The following ZNF28 variants were observed in gnomAD, a reference collection of about 807,000 sequenced individuals.
The protein encoded by ZNF28 is zinc finger protein KOX24.
In ZNF28, 5 loss-of-function variants were observed where a neutral mutation model predicts 7.2. The ratio of observed to expected loss-of-function variants is 0.70; its 90% CI spans 0.36 to 1.46. The LOEUF is 1.46. Among genes scored for constraint, ZNF28 ranks in the 40% most tolerant of loss-of-function variants. The pLI is 0.03. For synonymous variants in ZNF28, 288 were observed against 292.4 expected (o/e 0.99, Z 0.15); for missense variants, 879 against 866.6 (o/e 1.01, Z -0.18).
Position 52,798,603 on chromosome 19 carries a change from T to C in ZNF28, c.*1085A>G. 1 of 462,614 alleles carries C rather than the reference T, an allele frequency of 2.2e-6. No individual in the cohort carries two copies. 28.7% of individuals were successfully genotyped at this position (462,614 alleles called of 1,614,324 possible). ...CGCTTTGCCACAATCATCACACTTG[T>C]GAGTTTCTCTCCTGTATGAATCCTC... On this transcript the variant is annotated 3_prime_UTR_variant, in exon 4 of 4. Coordinates refer to ENST00000457749, the MANE Select transcript of ZNF28 (RefSeq NM_006969.5).
chr19:52,810,781 A>AAAC (rs1415700350), intron 2 of ZNF28: 22,926 of 118,064 alleles, frequency 0.19, 1,728 homozygotes, highest in African/African-American at 0.42. Flanking sequence ...AAAAAAACCC[A>AAAC]AAAAAAACAG....
chr19:52,801,207 T>G lies in ZNF28; in HGVS notation c.638A>C (p.Lys213Thr). ...TQKRNVHMREKSFQCIESGKS... is the reference protein window; with the variant it reads ...TQKRNVHMRETSFQCIESGKS... ...GCCACTCTCAATACATTGGAAAGAT[T>G]TTTCTCTCATGTGTACATTCCGTTT... The change falls in exon 4 of 4, where the codon AAA (lysine) becomes ACA (threonine). Residue 213 changes from lysine (K) to threonine (T), a missense_variant. Lys to Thr is a moderately conservative substitution (Grantham distance 78, BLOSUM62 -1). Transcript: ENST00000457749. 1.2e-6 allele frequency: 2 copies of G among 1,614,122 alleles called. No homozygotes were observed. Among genetic ancestry groups the G allele is most frequent in the Non-Finnish European group, 1.7e-6 (2 of 1,180,046 alleles).
intron 2 of ZNF28, chr19:52,809,843 CGGTGGT>C (rs1016424031): frequency 2.8e-5 from 16 of 572,088 alleles, no homozygotes; most frequent in Non-Finnish European, 4.6e-5. Flanking sequence ...GCGGCGGTGG[CGGTGGT>C]GGCAGTAGCA....
In ZNF28 at chr19:52,800,257, T is replaced by G; in HGVS notation, c.1588A>C (p.Lys530Gln). The G allele has an allele frequency of 6.2e-7, 1 of 1,613,652 alleles. No homozygotes were observed. Among genetic ancestry groups the G allele is most frequent in the Non-Finnish European group, 8.5e-7 (1 of 1,179,858 alleles). ...EKPYMCNECG[K>Q]VFSTKANLAC... ...AGGTTTGCTTTTGTACTAAAAACCT[T>G]GCCACATTCATTACACATGTATGGT... Residue 530 changes from lysine (K) to glutamine (Q), a missense_variant, in exon 4 of 4, where the codon AAG becomes CAG. Physicochemically the swap from Lys to Gln is moderately conservative, Grantham distance 53. This residue lies in a region of ZNF28 where 864 missense variants were observed against 830.2 expected (regional missense o/e 1.04). Coordinates refer to ENST00000457749, the MANE Select transcript of ZNF28 (RefSeq NM_006969.5).
chr19:52,804,442 C>T (rs59074115), intron 3 of ZNF28, among the ~76,000 whole-genome samples: 2,171 of 152,218 alleles, frequency 0.014, 56 homozygotes, highest in African/African-American at 0.05. Context: ...GTGATCTTGG[C>T]GCACTGCAAC....
chr19:52,812,159 G>A (rs1437116054), intron 2 of ZNF28, among the ~76,000 whole-genome samples: 4 of 124,400 alleles, frequency 3.2e-5, no homozygotes, highest in Non-Finnish European at 6.3e-5. Flanking sequence ...TCAGCCCCCC[G>A]CCCGGCCAGC....
chr19:52,816,684 T>C (rs2063128031), intron 2 of ZNF28, among the ~76,000 whole-genome samples: 1 of 119,292 alleles, frequency 8.4e-6, no homozygotes, highest in African/African-American at 4.0e-5. Flanking sequence ...AAAAAAAAAT[T>C]AGTTGGGGAT....
rs62119626 is a variant in ZNF28, at chr19:52,809,840, T to C, written c.16-1707A>G. 608 of 422,052 alleles carry C rather than the reference T, an allele frequency of 1.4e-3. 3 individuals carry two copies. Among genetic ancestry groups the C allele is most frequent in the Non-Finnish European group, 2.1e-3 (466 of 225,320 alleles). The allele number at this position is 422,052 out of a possible 1,614,324, so 26.1% of individuals were successfully genotyped here. A position where few individuals can be genotyped will look rare whatever the true frequency, so the allele number is the denominator to read the frequency against. ...GCGGCGAAGGCGGCGGCGGCGGCGGTGGCGGTGGTGGCAGTAGCACTGGGC... is the reference window on the plus strand; with the variant it reads ...GCGGCGAAGGCGGCGGCGGCGGCGGCGGCGGTGGTGGCAGTAGCACTGGGC... On this transcript the variant is annotated intron_variant, in intron 2 of 3. Coordinates refer to ENST00000457749, the MANE Select transcript of ZNF28 (RefSeq NM_006969.5).
intron 3 of ZNF28, among the ~76,000 whole-genome samples, chr19:52,802,584 G>A (rs2062885644): frequency 6.6e-6 from 1 of 151,472 alleles, no homozygotes; most frequent in Non-Finnish European, 1.5e-5. Context: ...GGCTGAGTCA[G>A]GATAATCGCT....
Position 52,798,275 on chromosome 19 carries a change from C to T in ZNF28, c.*1413G>A. 5.2e-6 allele frequency: 1 copy of T among 191,030 alleles called. No homozygotes were observed. 11.8% of individuals were successfully genotyped at this position (191,030 alleles called of 1,614,324 possible). A position where few individuals can be genotyped will look rare whatever the true frequency, so the allele number is the denominator to read the frequency against. On this transcript the variant is annotated 3_prime_UTR_variant, in exon 4 of 4. Transcript: ENST00000457749. ...TTGGCCTCTCAAAGTGCTGGCATTG[C>T]AGGCGTGAGCCACAGTGCCCAGCCC...
intron 2 of ZNF28, chr19:52,810,110 G>C: frequency 1.2e-6 from 1 of 809,188 alleles, no homozygotes; most frequent in Non-Finnish European, 2.2e-6. Flanking sequence ...GCCAAGAGGA[G>C]GGGGAGGAGC....
In ZNF28 at chr19:52,801,417, C is replaced by A. The variant is rs371346350; in HGVS notation, c.428G>T (p.Ser143Ile). 3.7e-6 allele frequency: 6 copies of A among 1,614,084 alleles called. No homozygotes were observed. Among genetic ancestry groups the A allele is most frequent in the Non-Finnish European group, 5.1e-6 (6 of 1,180,038 alleles). ...NKHIKDQLGL[S>I]FHSHLPELHI... The stretch of plus-strand genomic sequence containing the variant: ...CAGTTCAGGCAGATGCGAATGAAAG[C>A]TTAATCCAAGCTGATCTTTAATATG... The change falls in exon 4 of 4, where the codon AGC becomes ATC. Residue 143 changes from serine to isoleucine, a missense_variant. Ser to Ile is a moderately radical substitution (Grantham distance 142, BLOSUM62 -2). Coordinates refer to ENST00000457749, the MANE Select transcript of ZNF28 (RefSeq NM_006969.5).
At chr19:52,809,826 G>GCGGCGGCT in intron 2 of ZNF28, 1 of 318,840 alleles carries the variant, frequency 3.1e-6, no homozygotes, top group Non-Finnish European at 6.3e-6. Context: ...CGGCGAAGGC[G>GCGGCGGCT]GCGGCGGCGG....
chr19:52,810,453 T>G, intron 2 of ZNF28: 2 of 1,596,560 alleles, frequency 1.3e-6, no homozygotes, highest in Non-Finnish European at 1.7e-6. Flanking sequence ...TATAGAGTTC[T>G]CAAAGAGTCA....
chr19:52,814,393 C>A (rs1170265194), intron 2 of ZNF28: 2 of 146,054 alleles, frequency 1.4e-5, no homozygotes, highest in East Asian at 4.0e-4. Context: ...GAGTTCAAGA[C>A]CAGCATGGCC....
chr19:52,810,691 C>G (rs878939302), intron 2 of ZNF28: 2 of 806,732 alleles, frequency 2.5e-6, no homozygotes, highest in African/African-American at 3.5e-5. Flanking sequence ...AGCGACATCA[C>G]GGTATTCCCC....
chr19:52,817,437 C>G (rs1456201740), intron 2 of ZNF28, among the ~76,000 whole-genome samples: 1 of 152,106 alleles, frequency 6.6e-6, no homozygotes, highest in East Asian at 1.9e-4. Context: ...ACATTCCATT[C>G]TAATTAGTAA....
chr19:52,810,101 C>G (rs2062998525), intron 2 of ZNF28: 3 of 795,578 alleles, frequency 3.8e-6, no homozygotes, highest in South Asian at 2.8e-5. Flanking sequence ...CCACCGGCAG[C>G]CAAGAGGAGG....
At chr19:52,808,858 A>T (rs774622019) in intron 2 of ZNF28, among the ~76,000 whole-genome samples, 10 of 152,034 alleles carry the variant, frequency 6.6e-5, no homozygotes, top group Non-Finnish European at 1.3e-4. Flanking sequence ...AAAGTACAAA[A>T]ATCAATTGTG....
Sources: allele counts gnomAD v4.1 joint callset (sites outside exome capture counted in the v4.1 genomes callset), GRCh38; gene constraint gnomAD v4.1.1; regional missense constraint gnomAD v4.1.1; transcripts MANE v1.5; gene names NCBI Gene and HGNC (gene_info 2026-07-23, HGNC 2026-07-21).